The following CEP290 variants were observed in gnomAD, a reference collection of about 807,000 sequenced individuals.
CEP290 encodes centrosomal protein 290.
In CEP290, 317 loss-of-function variants were observed where a neutral mutation model predicts 344.9. The ratio of observed to expected loss-of-function variants is 0.92; its 90% CI spans 0.84 to 1.01. The LOEUF (loss-of-function observed/expected upper bound fraction) is 1.01, where lower values mean the gene tolerates loss of function less well. Ranked by LOEUF, CEP290 falls within the 50% of genes least tolerant of loss-of-function variation. CEP290 has a pLI of 0.00. For synonymous variants in CEP290, 932 were observed against 895.8 expected, an observed-to-expected ratio of 1.04 and a Z score of -0.72; for missense variants, 2,754 against 2,761.4, an observed-to-expected ratio of 1.00 and a Z score of 0.06.
chr12:88,060,759 T>C, intron 47 of CEP290, 71 bp downstream of exon 47: 2 of 1,154,056 alleles, frequency 1.7e-6, no homozygotes, highest in Non-Finnish European at 2.4e-6. Context: ...AATGAGCATA[T>C]TTGAAATTTT....
chr12:88,139,652 C>A (rs574990617), intron 3 of CEP290, 88 bp from the exon 4 acceptor site: 1 of 984,586 alleles, frequency 1.0e-6, no homozygotes, highest in East Asian at 2.9e-5. Flanking sequence ...TTGTTATGAT[C>A]CTTAGTGCCA....
At chr12:88,101,270 A>G (rs2137509590) in intron 26 of CEP290, among the ~76,000 whole-genome samples, 1 of 151,796 alleles carries the variant, frequency 6.6e-6, no homozygotes, top group South Asian at 2.1e-4. Flanking sequence ...TCACGAGTTC[A>G]GGAGATCGAC....
At chr12:88,070,266 GA>G (rs1405772290) in intron 43 of CEP290, among the ~76,000 whole-genome samples, 1 of 152,136 alleles carries the variant, frequency 6.6e-6, no homozygotes, top group Non-Finnish European at 1.5e-5. Context: ...GATTACAATA[GA>G]ATACCAGGAC....
At chr12:88,112,281 A>AT (rs2038743536) in intron 20 of CEP290, among the ~76,000 whole-genome samples, 2 of 152,080 alleles carry the variant, frequency 1.3e-5, no homozygotes. Flanking sequence ...AAAATGAGGT[A>AT]TTTTTCTCTG....
chr12:88,094,091 C>T, intron 27 of CEP290, 116 bp from the exon 28 acceptor site: 1 of 778,068 alleles, frequency 1.3e-6, no homozygotes, highest in Non-Finnish European at 2.0e-6. Flanking sequence ...CATTAGCTTT[C>T]TGAATTCCAT....
rs2038314751 is a variant in CEP290, at chr12:88,106,804, A to G, written c.2688T>C (p.Leu896=). ...CTACTAAGGTTGTATATTGCCTTAT[A>G]AGTGATTTTTCATTCACTTGCAAAA... The part of the protein sequence containing the change: ...ITVLQVNEKS[L]IRQYTTLVEL... The change falls in exon 25 of 54, where the codon CTT becomes CTC. Residue 896 remains leucine, a synonymous_variant. Transcript: ENST00000552810. 2 of 1,608,590 alleles carry G rather than the reference A, an allele frequency of 1.2e-6. No individual in the cohort carries two copies. The highest frequency in any genetic ancestry group is 2.7e-5 in the African/African-American group (2 of 74,808).
Position 88,111,823 on chromosome 12 carries a change from A to G in CEP290, c.2088T>C (p.Asp696=), listed in dbSNP as rs763128587. The G allele has an allele frequency of 5.0e-6, 8 of 1,602,946 alleles. No individual in the cohort carries two copies. The highest frequency in any genetic ancestry group is 6.8e-6 in the Non-Finnish European group (8 of 1,175,112). Residue 696 remains aspartate, a synonymous_variant, in exon 21 of 54, where the codon GAT becomes GAC. Transcript: ENST00000552810. ...CTTGGGCTTTCAAATGCAGACTCGC[A>G]TCAAAGATTCCTTCTGCATTCTTTG... is the stretch of plus-strand genomic sequence containing the variant. ...IESKNAEGIF[D]ASLHLKAQVD...
intron 9 of CEP290, 40 bp from the exon 10 acceptor site, chr12:88,129,916 A>T (rs2138088357): frequency 8.1e-7 from 1 of 1,230,408 alleles, no homozygotes; most frequent in Non-Finnish European, 1.1e-6. Context: ...AAGTAATTTT[A>T]AAAAAACTGA....
At chr12:88,096,423 G>A (rs1398287057) in intron 27 of CEP290, among the ~76,000 whole-genome samples, 1 of 152,082 alleles carries the variant, frequency 6.6e-6, no homozygotes, top group Non-Finnish European at 1.5e-5. Flanking sequence ...TATAAAATAT[G>A]TAAGCATATA....
At position 88,049,300 on chromosome 12, in the gene CEP290, C is replaced by G; in HGVS notation, c.7324G>C (p.Glu2442Gln). Residue 2442 changes from glutamate (E) to glutamine (Q), a missense_variant, in exon 54 of 54, where the codon GAA becomes CAA. Coordinates refer to ENST00000552810, the MANE Select transcript of CEP290 (RefSeq NM_025114.4). ...KEEVKKNILL[E>Q]EKVKKLSEQL... Reference sequence around the variant, plus strand: ...TCTGAAAGTTTTTTTACCTTCTCTTCTAAGAGAATATTCTTCTTCACTTCT... The same window carrying G: ...TCTGAAAGTTTTTTTACCTTCTCTTGTAAGAGAATATTCTTCTTCACTTCT... 3 of 1,589,050 alleles carry G rather than the reference C, an allele frequency of 1.9e-6. No homozygotes were observed. Among genetic ancestry groups the G allele is most frequent in the Non-Finnish European group, 2.6e-6 (3 of 1,159,204 alleles).
At position 88,058,909 on chromosome 12, in the gene CEP290, T is replaced by C; in HGVS notation, c.6757A>G (p.Ser2253Gly). ...GCACCTTCAAGCTGTGGACCTCTGC[T>C]TTCTGCAAACTGCAATCTCTTACCA... ...ETGKRLQFAE[S>G]RGPQLEGADS... is the part of the protein sequence containing the mutation. Residue 2253 changes from serine (S) to glycine (G), a missense_variant, in exon 49 of 54, where the codon AGC becomes GGC. By Grantham distance (56) the Ser-to-Gly change is moderately conservative. Transcript: ENST00000552810. 1 of 1,614,002 alleles carries C rather than the reference T, an allele frequency of 6.2e-7. No homozygotes were observed. The highest frequency in any genetic ancestry group is 8.5e-7 in the Non-Finnish European group (1 of 1,179,894).
Position 88,097,007 on chromosome 12 carries a change from A to C in CEP290, c.2992-8T>G, listed in dbSNP as rs1376152366. The C allele has an allele frequency of 7.3e-7, 1 of 1,361,694 alleles. No homozygotes were observed. The highest frequency in any genetic ancestry group is 2.1e-5 in the Admixed American group (1 of 47,444). 84.4% of individuals were successfully genotyped at this position (1,361,694 alleles called of 1,614,324 possible). A position where few individuals can be genotyped will look rare whatever the true frequency, so the allele number is the denominator to read the frequency against. ...TAAGGAGATGTTTTCACACTGAATA[A>C]AGGAAAAATATCACTAAGAAACTAC... On this transcript the variant is annotated splice_polypyrimidine_tract_variant and splice_region_variant and intron_variant, in intron 26 of 53. Coordinates refer to ENST00000552810, the MANE Select transcript of CEP290 (RefSeq NM_025114.4).
chr12:88,121,765 G>T (rs1242843103), intron 13 of CEP290, among the ~76,000 whole-genome samples: 1 of 152,016 alleles, frequency 6.6e-6, no homozygotes, highest in South Asian at 2.1e-4. Context: ...CAAGAGACAG[G>T]GTTCCTGATA....
In CEP290 at chr12:88,111,771, C is replaced by T. The variant is rs1440259390; in HGVS notation, c.2140G>A (p.Glu714Lys). Reference sequence around the variant, plus strand: ...GATTCCCTGAGCTCCTGTCTTAATTCTTCATTTCTTCCGGTAAGCTGATCA... The same window carrying T: ...GATTCCCTGAGCTCCTGTCTTAATTTTTCATTTCTTCCGGTAAGCTGATCA... Reference protein sequence around the residue: ...QVDQLTGRNEELRQELRESRK... With the variant: ...QVDQLTGRNEKLRQELRESRK... Residue 714 changes from glutamate to lysine, a missense_variant, in exon 21 of 54, where the codon GAA becomes AAA. Glu to Lys is a moderately conservative substitution (Grantham distance 56, BLOSUM62 1). Transcript: ENST00000552810. The T allele has an allele frequency of 6.2e-7, 1 of 1,605,446 alleles. No homozygotes were observed. Among genetic ancestry groups the T allele is most frequent in the South Asian group, 1.1e-5 (1 of 89,362 alleles).
At chr12:88,101,052 G>A (rs1166007641) in intron 26 of CEP290, among the ~76,000 whole-genome samples, 1 of 152,088 alleles carries the variant, frequency 6.6e-6, no homozygotes, top group African/African-American at 2.4e-5. Flanking sequence ...TAGGATTCAT[G>A]TTTAGAATGA....
chr12:88,126,244 A>T, intron 12 of CEP290, 72 bp downstream of exon 12: 1 of 1,267,178 alleles, frequency 7.9e-7, no homozygotes, highest in Non-Finnish European at 1.0e-6. Context: ...TGATATAATA[A>T]ATAAAAGACA....
At position 88,059,714 on chromosome 12, in the gene CEP290, A is replaced by T. The variant is rs73207079; in HGVS notation, c.6645+184T>A. Among the ~76,000 whole-genome samples, 11,008 of 152,208 alleles carry T rather than the reference A, an allele frequency of 0.072. 534 individuals carry two copies. Among genetic ancestry groups the T allele is most frequent in the Non-Finnish European group, 0.11 (7,452 of 67,988 alleles). On this transcript the variant is annotated intron_variant, in intron 48 of 53. Transcript: ENST00000552810. Reference sequence around the variant, plus strand: ...GAGCCACCGTGCCCAGCCTAAATGTATTAACTTTTATTATCAATGTTTTTC... The same window carrying T: ...GAGCCACCGTGCCCAGCCTAAATGTTTTAACTTTTATTATCAATGTTTTTC...
At chr12:88,088,918 TAG>T in intron 31 of CEP290, 112 bp downstream of exon 31, 1 of 640,682 alleles carries the variant, frequency 1.6e-6, no homozygotes. Context: ...AGGCTGAGGC[TAG>T]AGAGTCCCTT....
intron 37 of CEP290, among the ~76,000 whole-genome samples, chr12:88,081,603 T>C (rs1202368361): frequency 1.3e-5 from 2 of 152,296 alleles, no homozygotes; most frequent in Middle Eastern, 3.4e-3. Context: ...TAAAGAGTCA[T>C]CATCAAATTG....
Sources: allele counts gnomAD v4.1 joint callset (sites outside exome capture counted in the v4.1 genomes callset), GRCh38; gene constraint gnomAD v4.1.1; transcripts MANE v1.5; gene names NCBI Gene and HGNC (gene_info 2026-07-23, HGNC 2026-07-21).